GCN1: variants seen among roughly 807,000 people sequenced by gnomAD.
The protein encoded by GCN1 is stalled ribosome sensor GCN1.
GCN1 carries 90 observed loss-of-function variants against 288.4 expected under a neutral mutation model. The observed-to-expected ratio is 0.31, with a 90% confidence interval of 0.26 to 0.37. The LOEUF is 0.37. Ranked by LOEUF, GCN1 falls within the 10% of genes least tolerant of loss-of-function variation. GCN1 has a pLI of 1.00. For synonymous variants in GCN1, 1,386 were observed against 1,420.2 expected (o/e 0.98, Z 0.54); for missense variants, 2,586 against 3,419.9 (o/e 0.76, Z 6.08).
intron 12 of GCN1, 110 bp downstream of exon 12, chr12:120,175,052 G>A: frequency 1.1e-6 from 1 of 881,032 alleles, no homozygotes. Flanking sequence ...GCTTGAACCT[G>A]GGAGGCAGAG....
intron 1 of GCN1, among the ~76,000 whole-genome samples, chr12:120,191,947 C>T (rs1343062548): frequency 6.6e-6 from 1 of 152,166 alleles, no homozygotes; most frequent in Non-Finnish European, 1.5e-5. Flanking sequence ...GTGACCCCAT[C>T]GCACACCCTC....
intron 26 of GCN1, 107 bp from the exon 27 acceptor site, chr12:120,157,099 T>G (rs1284483895): frequency 1.4e-6 from 1 of 710,666 alleles, no homozygotes; most frequent in Non-Finnish European, 2.5e-6. Flanking sequence ...TTCTGGATCA[T>G]ACAACCGGCC....
At chr12:120,189,600 C>G (rs1316667465) in intron 2 of GCN1, among the ~76,000 whole-genome samples, 7 of 151,618 alleles carry the variant, frequency 4.6e-5, no homozygotes, top group Non-Finnish European at 7.4e-5. Flanking sequence ...AACTCCTGAC[C>G]TTGTGATCTG....
At chr12:120,164,524 G>A (rs900504284) in intron 17 of GCN1, 29 bp from the exon 18 acceptor site, 3 of 1,611,114 alleles carry the variant, frequency 1.9e-6, no homozygotes, top group Non-Finnish European at 2.5e-6. Context: ...ACAGGTCTGG[G>A]GGAAGGCCAA....
Position 120,144,814 on chromosome 12 carries a change from C to G in GCN1, c.5177G>C (p.Gly1726Ala). The change falls in exon 41 of 58, where the codon GGT (glycine) becomes GCT (alanine). Residue 1726 changes from glycine to alanine, a missense_variant. Physicochemically the swap from Gly to Ala is moderately conservative, Grantham distance 60. This residue lies in a region of GCN1 where 371 missense variants were observed against 572.6 expected (regional missense o/e 0.65). Transcript: ENST00000300648. The surrounding 1 kb of genome is among the most constrained non-coding windows in gnomAD (Gnocchi z 4.7). ...AAQGLAEVMA[G>A]LGVEKLEKLM... ...CTTCTCCAACTTCTCCACCCCCAAA[C>G]CGGCCATGACCTCAGCCAACCCTGC... 6.2e-7 allele frequency: 1 copy of G among 1,614,218 alleles called. No individual in the cohort carries two copies. Among genetic ancestry groups the G allele is most frequent in the Non-Finnish European group, 8.5e-7 (1 of 1,180,036 alleles).
rs1489344860 is a variant in GCN1, at chr12:120,155,663, G to A, written c.3369C>T (p.Gly1123=). ...LPAPDTDEKN[G]LNLLRRLWVV... Reference sequence around the variant, plus strand: ...CCCAGAGTCTCCGCAGAAGGTTCAGGCCATTCTTCTCATCAGTATCAGGTG... The same window carrying A: ...CCCAGAGTCTCCGCAGAAGGTTCAGACCATTCTTCTCATCAGTATCAGGTG... The change falls in exon 29 of 58, where the codon GGC becomes GGT. Residue 1123 remains glycine, a synonymous_variant. Transcript: ENST00000300648. This position sits in a 1 kb window ranked among gnomAD's most constrained non-coding sequence, Gnocchi z 4.9. The A allele has an allele frequency of 1.2e-6, 2 of 1,613,834 alleles. No homozygotes were observed. Among genetic ancestry groups the A allele is most frequent in the Admixed American group, 3.3e-5 (2 of 60,010 alleles).
At chr12:120,169,356 GCT>G (rs1878243908) in intron 15 of GCN1, among the ~76,000 whole-genome samples, 1 of 145,966 alleles carries the variant, frequency 6.9e-6, no homozygotes, top group Non-Finnish European at 1.5e-5. Context: ...TAATGAGAAA[GCT>G]CTTTCTGATG....
intron 2 of GCN1, among the ~76,000 whole-genome samples, chr12:120,189,267 T>G (rs540285447): frequency 2.6e-4 from 39 of 152,018 alleles, no homozygotes; most frequent in Non-Finnish European, 5.7e-4. Flanking sequence ...GAGACAGGGT[T>G]TCACCATGTT....
At chr12:120,177,275 C>T (rs1878510764) in intron 9 of GCN1, among the ~76,000 whole-genome samples, 172 bp downstream of exon 9, 1 of 152,152 alleles carries the variant, frequency 6.6e-6, no homozygotes, top group African/African-American at 2.4e-5. Flanking sequence ...GTCTGGCTTT[C>T]AACATAATCG....
At position 120,156,443 on chromosome 12, in the gene GCN1, C is replaced by T. The variant is rs1311598784; in HGVS notation, c.3312+18G>A. ...AGTGACAAGGGACACTGCAGTGGCT[C>T]TGAGACTGAGCACACACCCGGAGCA... On this transcript the variant is annotated intron_variant, in intron 28 of 57. Coordinates refer to ENST00000300648, the MANE Select transcript of GCN1 (RefSeq NM_006836.2). This position sits in a 1 kb window ranked among gnomAD's most constrained non-coding sequence, Gnocchi z 5.8. 2 of 1,612,428 alleles carry T rather than the reference C, an allele frequency of 1.2e-6. No individual in the cohort carries two copies. The highest frequency in any genetic ancestry group is 4.5e-5 in the East Asian group (2 of 44,864).
intron 45 of GCN1, among the ~76,000 whole-genome samples, chr12:120,139,673 C>T (rs1049371623): frequency 1.3e-5 from 2 of 152,110 alleles, no homozygotes; most frequent in African/African-American, 4.8e-5. Context: ...CCCATGTATC[C>T]TTCACTGAGA....
At position 120,139,233 on chromosome 12, in the gene GCN1, C is replaced by A. The variant is rs370458777; in HGVS notation, c.5995-377G>T. On this transcript the variant is annotated intron_variant, in intron 45 of 57. Coordinates refer to ENST00000300648, the MANE Select transcript of GCN1 (RefSeq NM_006836.2). The stretch of plus-strand genomic sequence containing the variant: ...GCTGAGGCACAAGAATCGCTTGAAC[C>A]CAGGAAGCAGAGGCTGTAGCCAAAA... Among the ~76,000 whole-genome samples the A allele has an allele frequency of 7.2e-5, 11 of 151,958 alleles. No homozygotes were observed. In the East Asian group the frequency reaches 7.7e-4, roughly 11 times the overall value.
At chr12:120,152,046 T>C (rs1209904011) in intron 33 of GCN1, among the ~76,000 whole-genome samples, 1 of 152,150 alleles carries the variant, frequency 6.6e-6, no homozygotes, top group African/African-American at 2.4e-5. Context: ...TTTTTGTTTT[T>C]AGAAATAGGG....
chr12:120,134,529 G>A lies in GCN1; in HGVS notation c.7202+4C>T, dbSNP rs376086732. 4.2e-5 allele frequency: 67 copies of A among 1,612,212 alleles called. No individual in the cohort carries two copies. The highest frequency in any genetic ancestry group is 1.1e-4 in the East Asian group (5 of 44,846). On this transcript the variant is annotated splice_donor_region_variant and intron_variant, in intron 52 of 57. Coordinates refer to ENST00000300648, the MANE Select transcript of GCN1 (RefSeq NM_006836.2). This position sits in a 1 kb window ranked among gnomAD's most constrained non-coding sequence, Gnocchi z 5.0. ...GCCACAGTGCTCCCTTGCCAGCGCC[G>A]TACCTGACACCTGGGTCCTCCATGG...
chr12:120,150,099 C>G, intron 34 of GCN1, 56 bp from the exon 35 acceptor site: 1 of 1,595,218 alleles, frequency 6.3e-7, no homozygotes, highest in Non-Finnish European at 8.6e-7. Flanking sequence ...GGGGTAGCCA[C>G]AGAGAACAGA....
rs771328562 is a variant in GCN1 at position 120,157,027 on chromosome 12, T to C, written c.3088-35A>G. ...AACGGCAGGTAAGTCGAGATGAGGCTGTGGGGAGGTCTGTAACCCAGGCGG... is the reference window on the plus strand; with the variant it reads ...AACGGCAGGTAAGTCGAGATGAGGCCGTGGGGAGGTCTGTAACCCAGGCGG... On this transcript the variant is annotated intron_variant, in intron 26 of 57. Coordinates refer to ENST00000300648, the MANE Select transcript of GCN1 (RefSeq NM_006836.2). The C allele has an allele frequency of 3.8e-5, 56 of 1,464,440 alleles. 1 individual carries two copies. The highest frequency in any genetic ancestry group is 3.4e-4 in the South Asian group (30 of 88,012). 90.7% of individuals were successfully genotyped at this position (1,464,440 alleles called of 1,614,324 possible).
intron 15 of GCN1, among the ~76,000 whole-genome samples, chr12:120,169,282 AAAAAAAAAAAAAAG>A (rs1169202029): frequency 7.1e-5 from 6 of 84,934 alleles, no homozygotes; most frequent in African/African-American, 3.3e-4. Flanking sequence ...GTCTCAAAAA[AAAAAAAAAAAAAAG>A]AAAAAAAAAA....
rs1354666112 is a variant in GCN1 at position 120,134,566 on chromosome 12, T to C, written c.7169A>G (p.Asn2390Ser). The change falls in exon 52 of 58, where the codon AAT becomes AGT. Residue 2390 changes from asparagine (N) to serine (S), a missense_variant. By Grantham distance (46) the Asn-to-Ser change is conservative. Around this residue, in one of 8 missense-constraint regions of GCN1, gnomAD observed 355 missense variants for 431.1 expected, o/e 0.82. Coordinates refer to ENST00000300648, the MANE Select transcript of GCN1 (RefSeq NM_006836.2). The surrounding 1 kb of genome is among the most constrained non-coding windows in gnomAD (Gnocchi z 5.0). ...TGGGTCCTCCATGGCGCGGATGCCATTGAGCAGCTCTGTGAAGAGGGGGTC... is the reference window on the plus strand; with the variant it reads ...TGGGTCCTCCATGGCGCGGATGCCACTGAGCAGCTCTGTGAAGAGGGGGTC... ...KVDPLFTELL[N>S]GIRAMEDPGV... 3.1e-6 allele frequency: 5 copies of C among 1,613,984 alleles called. No homozygotes were observed. The highest frequency in any genetic ancestry group is 4.5e-5 in the East Asian group (2 of 44,892).
Position 120,153,103 on chromosome 12 carries a change from G to C in GCN1, c.4062+110C>G. The C allele has an allele frequency of 1.2e-6, 1 of 845,940 alleles. No individual in the cohort carries two copies. The highest frequency in any genetic ancestry group is 1.9e-6 in the Non-Finnish European group (1 of 536,892). The allele number at this position is 845,940 out of a possible 1,614,324, so 52.4% of individuals were successfully genotyped here. The stretch of plus-strand genomic sequence containing the variant: ...GGGGTGAATCCTTAACAAGAACTGG[G>C]CTTTCAGGGCCCTGATTGTCCAACT... On this transcript the variant is annotated intron_variant, in intron 33 of 57. Coordinates refer to ENST00000300648, the MANE Select transcript of GCN1 (RefSeq NM_006836.2). The surrounding 1 kb of genome is among the most constrained non-coding windows in gnomAD (Gnocchi z 4.4).
Sources: allele counts gnomAD v4.1 joint callset (sites outside exome capture counted in the v4.1 genomes callset), GRCh38; gene constraint gnomAD v4.1.1; regional missense constraint gnomAD v4.1.1; non-coding constraint Gnocchi (gnomAD v3.1); transcripts MANE v1.5; gene names NCBI Gene and HGNC (gene_info 2026-07-23, HGNC 2026-07-21).